Variants in EIF4G3 observed in about 807,000 individuals in gnomAD.
EIF4G3 encodes eIF-4-gamma 3.
EIF4G3 carries 34 observed loss-of-function variants against 186.4 expected under a neutral mutation model. That is an observed-to-expected ratio of 0.18 (90% confidence interval 0.14 to 0.24). The LOEUF (loss-of-function observed/expected upper bound fraction) is 0.24. Among genes scored for constraint, EIF4G3 ranks in the 10% least tolerant of loss-of-function variants. The probability of loss-of-function intolerance (pLI) is 1.00; values close to 1 mark genes in which losing one functional copy is unlikely to be tolerated. For synonymous variants in EIF4G3, 673 were observed against 679.5 expected (o/e 0.99, Z 0.15); for missense variants, 1,536 against 1,948.5 (o/e 0.79, Z 3.99).
intron 17 of EIF4G3, among the ~76,000 whole-genome samples, chr1:20,894,658 G>A (rs551513624): frequency 6.6e-6 from 1 of 152,254 alleles, no homozygotes; most frequent in South Asian, 2.1e-4. Flanking sequence ...CGGTTAAGAG[G>A]TAGATATGAT....
At chr1:21,039,661 C>CA (rs1015516681) in intron 4 of EIF4G3, among the ~76,000 whole-genome samples, 9 of 151,844 alleles carry the variant, frequency 5.9e-5, no homozygotes, top group South Asian at 2.1e-4. Flanking sequence ...AGACCTGTCT[C>CA]AAAAAAATCC....
In EIF4G3 at chr1:20,995,780, A is replaced by G. The variant is rs1291122986; in HGVS notation, c.177+1821T>C. Among the ~76,000 whole-genome samples the G allele has an allele frequency of 2.0e-5, 3 of 152,318 alleles. No individual in the cohort carries two copies. The East Asian group carries it at 5.8e-4, about 29-fold the overall frequency. ...GTCAATGGTAACGTTAATTCCCTCT[A>G]CTAACAGTTTACCTTAGGCTAGCTT... On this transcript the variant is annotated intron_variant, in intron 7 of 36. Coordinates refer to ENST00000602326, the MANE Select transcript of EIF4G3 (RefSeq NM_001391906.1).
rs574987207 is a variant in EIF4G3 at position 20,934,126 on chromosome 1, TAAAAG to T, written c.1663+7360_1663+7364del. On this transcript the variant is annotated intron_variant, in intron 14 of 36. Coordinates refer to ENST00000602326, the MANE Select transcript of EIF4G3 (RefSeq NM_001391906.1). ...CATATAAATTACACTCGACCTAACT[TAAAAG>T]AGAGAGAGAAAGAGACCAATAGTGG... Among the ~76,000 whole-genome samples the T allele has an allele frequency of 1.8e-3, 272 of 151,962 alleles. 1 individual carries two copies. Among genetic ancestry groups the T allele is most frequent in the Non-Finnish European group, 3.1e-3 (209 of 67,954 alleles).
At chr1:20,994,190 C>T (rs2081748223) in intron 7 of EIF4G3, among the ~76,000 whole-genome samples, 1 of 152,082 alleles carries the variant, frequency 6.6e-6, no homozygotes, top group Non-Finnish European at 1.5e-5. Context: ...ACTGGTTATC[C>T]CACCCAAATG....
intron 3 of EIF4G3, among the ~76,000 whole-genome samples, chr1:21,081,544 C>G (rs961610186): frequency 3.2e-4 from 49 of 151,906 alleles, no homozygotes; most frequent in Non-Finnish European, 4.4e-5. Flanking sequence ...ATAAATGTTC[C>G]CAGGGCAAAC....
chr1:21,144,436 T>C (rs934374654), intron 2 of EIF4G3, among the ~76,000 whole-genome samples: 20 of 151,730 alleles, frequency 1.3e-4, no homozygotes, highest in South Asian at 2.1e-4. Context: ...TTTTTTTTTT[T>C]CGTAGAGATG....
chr1:20,815,875 AG>A (rs1188782632), intron 34 of EIF4G3, among the ~76,000 whole-genome samples: 24 of 39,906 alleles, frequency 6.0e-4, no homozygotes, highest in African/African-American at 2.0e-3. Context: ...GGGAGGGGGG[AG>A]GGGGGGTCAG....
Position 21,172,754 on chromosome 1 carries a change from T to G in EIF4G3, c.-272+3421A>C, listed in dbSNP as rs569951849. On this transcript the variant is annotated intron_variant, in intron 2 of 36. Coordinates refer to ENST00000602326, the MANE Select transcript of EIF4G3 (RefSeq NM_001391906.1). ...TAGTAGAGACGGGGTTTCACCGTGT[T>G]AGCCAGGATGGTCTCGATCTCCTGA... Among the ~76,000 whole-genome samples the G allele has an allele frequency of 2.0e-3, 304 of 149,908 alleles. 1 individual carries two copies. The highest frequency in any genetic ancestry group is 3.4e-3 in the Middle Eastern group (1 of 294).
chr1:20,988,844 C>A (rs2080197080), intron 7 of EIF4G3, among the ~76,000 whole-genome samples: 1 of 151,432 alleles, frequency 6.6e-6, no homozygotes, highest in Non-Finnish European at 1.5e-5. Flanking sequence ...ATACTGATTT[C>A]TCTGATGGTT....
intron 4 of EIF4G3, among the ~76,000 whole-genome samples, chr1:21,043,786 A>G (rs906341897): frequency 8.6e-5 from 13 of 150,562 alleles, no homozygotes; most frequent in Admixed American, 5.3e-4. Flanking sequence ...AGGCAGGAGG[A>G]TAGCTTGAGC....
intron 29 of EIF4G3, among the ~76,000 whole-genome samples, chr1:20,843,666 A>T (rs574914552): frequency 6.6e-6 from 1 of 152,322 alleles, no homozygotes; most frequent in Non-Finnish European, 1.5e-5. Flanking sequence ...TTTTAAGATC[A>T]GGGGTACATG....
chr1:21,028,046 G>A (rs780258729), intron 4 of EIF4G3, among the ~76,000 whole-genome samples: 1 of 152,204 alleles, frequency 6.6e-6, no homozygotes, highest in Non-Finnish European at 1.5e-5. Flanking sequence ...AACAACTACT[G>A]TATGATAACA....
intron 4 of EIF4G3, among the ~76,000 whole-genome samples, chr1:21,025,793 AAG>A (rs2091990160): frequency 6.6e-6 from 1 of 152,208 alleles, no homozygotes; most frequent in Non-Finnish European, 1.5e-5. Flanking sequence ...CTAGGTACAA[AAG>A]TCTACAGAGT....
intron 2 of EIF4G3, among the ~76,000 whole-genome samples, chr1:21,133,809 T>G (rs1434820721): frequency 6.6e-6 from 1 of 152,208 alleles, no homozygotes; most frequent in Non-Finnish European, 1.5e-5. Flanking sequence ...TTCCGGGCAC[T>G]TTATATACTC....
intron 3 of EIF4G3, among the ~76,000 whole-genome samples, chr1:21,088,843 T>TGACA (rs1444600747): frequency 6.6e-6 from 1 of 152,036 alleles, no homozygotes; most frequent in African/African-American, 2.4e-5. Context: ...CCAGCCTGGG[T>TGACA]GACACAGTGA....
At chr1:20,873,231 G>A (rs558427167) in intron 20 of EIF4G3, among the ~76,000 whole-genome samples, 3 of 152,134 alleles carry the variant, frequency 2.0e-5, no homozygotes, top group Non-Finnish European at 4.4e-5. Flanking sequence ...CAGATTCACT[G>A]TCCTTGTATA....
chr1:21,017,896 T>C (rs1468179182), intron 4 of EIF4G3, among the ~76,000 whole-genome samples: 2 of 152,026 alleles, frequency 1.3e-5, no homozygotes, highest in Non-Finnish European at 2.9e-5. Flanking sequence ...GTTTCAGTTT[T>C]GCAAGATGAA....
chr1:20,986,744 C>CAAAAAAAAAAAAAAAAAAAAAAAAAA (rs61255473), intron 7 of EIF4G3, among the ~76,000 whole-genome samples: 2 of 66,302 alleles, frequency 3.0e-5, no homozygotes, highest in African/African-American at 1.4e-4. Flanking sequence ...GCTCTGTCTC[C>CAAAAAAAAAAAAAAAAAAAAAAAAAA]AAAAAAAAAA....
chr1:20,989,211 T>C (rs1333740381), intron 7 of EIF4G3, among the ~76,000 whole-genome samples: 1 of 150,680 alleles, frequency 6.6e-6, no homozygotes, highest in African/African-American at 2.4e-5. Context: ...AAGACTTCAA[T>C]GGAAGGAGTA....
Sources: gnomAD v4.1 joint callset for allele counts (sites outside exome capture counted in the v4.1 genomes callset) on GRCh38, gnomAD v4.1.1 for gene constraint, MANE v1.5 for transcripts, NCBI Gene and HGNC (gene_info 2026-07-23, HGNC 2026-07-21) for gene names.